BANK1: variants seen among roughly 807,000 people sequenced by gnomAD.
BANK1 encodes the protein B-cell scaffold protein with ankyrin repeats.
Under a neutral mutation model 94.5 loss-of-function variants are expected in BANK1, and 95 were observed. That is an observed-to-expected ratio of 1.00 (90% CI 0.85 to 1.19). The LOEUF is 1.19. Among genes scored for constraint, BANK1 ranks in the 50% most tolerant of loss-of-function variants. The pLI, the probability that BANK1 is intolerant of heterozygous loss-of-function variation, is 0.00. For synonymous variants in BANK1, 334 were observed against 308.4 expected (o/e 1.08, Z -0.87); for missense variants, 987 against 932.2 (o/e 1.06, Z -0.77).
intron 1 of BANK1, among the ~76,000 whole-genome samples, chr4:101,795,629 T>A (rs1725130147): frequency 6.6e-6 from 1 of 152,180 alleles, no homozygotes; most frequent in East Asian, 1.9e-4. Context: ...AGTTAGTAAA[T>A]TATTAGGTCA....
intron 10 of BANK1, among the ~76,000 whole-genome samples, chr4:102,040,011 T>C (rs1271960933): frequency 6.6e-6 from 1 of 152,070 alleles, no homozygotes; most frequent in South Asian, 2.1e-4. Flanking sequence ...ATTGCACAGA[T>C]TTTTATCACT....
At chr4:101,808,368 G>C (rs1278560981) in intron 1 of BANK1, among the ~76,000 whole-genome samples, 3 of 152,188 alleles carry the variant, frequency 2.0e-5, no homozygotes, top group Non-Finnish European at 4.4e-5. Flanking sequence ...CTTTCCAAGG[G>C]ATAGAACAGA....
chr4:101,928,420 A>AG (rs1723234176), intron 7 of BANK1, among the ~76,000 whole-genome samples: 1 of 151,686 alleles, frequency 6.6e-6, no homozygotes. Flanking sequence ...GGAAAAAAAA[A>AG]TCAGAGCATT....
chr4:101,880,740 A>G (rs1382373276), intron 5 of BANK1, among the ~76,000 whole-genome samples: 1 of 152,162 alleles, frequency 6.6e-6, no homozygotes, highest in Non-Finnish European at 1.5e-5. Flanking sequence ...GACCAAAGCA[A>G]CAGAATAGAG....
In BANK1 at chr4:101,870,613, G is replaced by A; in HGVS notation, c.872G>A (p.Arg291Lys). ...GCAAAGGCAAAGGAATGCCTATTCA[G>A]AATGGCAGATTCAGGAGAGAGTTTG... ...PTAKAKECLF[R>K]MADSGESLCQ... Residue 291 changes from arginine to lysine, a missense_variant, in exon 5 of 17, where the codon AGA (arginine) becomes AAA (lysine). By Grantham distance (26) the Arg-to-Lys change is conservative. Coordinates refer to ENST00000322953, the MANE Select transcript of BANK1 (RefSeq NM_017935.5). The A allele has an allele frequency of 1.2e-6, 2 of 1,612,164 alleles. No individual in the cohort carries two copies. The highest frequency in any genetic ancestry group is 1.7e-6 in the Non-Finnish European group (2 of 1,179,034).
intron 7 of BANK1, among the ~76,000 whole-genome samples, chr4:101,962,285 C>T (rs1434302861): frequency 6.6e-6 from 1 of 152,122 alleles, no homozygotes; most frequent in Admixed American, 6.6e-5. Flanking sequence ...CAAGTTTTCC[C>T]CCATTGACTC....
At position 101,929,784 on chromosome 4, in the gene BANK1, TG is replaced by T. The variant is rs78848554; in HGVS notation, c.1206+11603del. Among the ~76,000 whole-genome samples the T allele has an allele frequency of 4.7e-3, 708 of 151,040 alleles. 13 individuals carry two copies. In the East Asian group the frequency reaches 0.057, roughly 12 times the overall value. ...TGCTTATATTGTATTAATAGTTTGT[TG>T]GGGGGGGACTAAAAATGAATAAACA... On this transcript the variant is annotated intron_variant, in intron 7 of 16. Coordinates refer to ENST00000322953, the MANE Select transcript of BANK1 (RefSeq NM_017935.5).
At chr4:101,995,689 T>C (rs1227122240) in intron 7 of BANK1, among the ~76,000 whole-genome samples, 1 of 152,250 alleles carries the variant, frequency 6.6e-6, no homozygotes, top group Admixed American at 6.5e-5. Flanking sequence ...ATTTCTCTAA[T>C]GACCAGTGAT....
chr4:101,950,060 T>TGTGTGTGTGTGC (rs369393040), intron 7 of BANK1, among the ~76,000 whole-genome samples: 16 of 139,488 alleles, frequency 1.1e-4, no homozygotes, highest in African/African-American at 4.4e-4. Flanking sequence ...TGTGTGTGTG[T>TGTGTGTGTGTGC]GCGCGTGCGC....
chr4:101,887,743 T>C (rs541336253), intron 5 of BANK1, among the ~76,000 whole-genome samples: 4 of 152,256 alleles, frequency 2.6e-5, no homozygotes, highest in African/African-American at 7.2e-5. Context: ...TATAAAATCA[T>C]TTTCATTGTT....
intron 5 of BANK1, among the ~76,000 whole-genome samples, chr4:101,893,045 G>A (rs955025800): frequency 1.3e-5 from 2 of 151,998 alleles, no homozygotes; most frequent in African/African-American, 4.8e-5. Context: ...TAAAATAGAA[G>A]TGGTTAGATT....
chr4:101,993,939 GAT>G (rs1305294218), intron 7 of BANK1, among the ~76,000 whole-genome samples: 1 of 152,176 alleles, frequency 6.6e-6, no homozygotes, highest in African/African-American at 2.4e-5. Flanking sequence ...GGCTCTATTA[GAT>G]ATTGTTGTCT....
At position 101,865,104 on chromosome 4, in the gene BANK1, C is replaced by G. The variant is rs1312178940; in HGVS notation, c.763+2440C>G. 2.6e-5 allele frequency among the ~76,000 whole-genome samples: 4 copies of G among 152,036 alleles called. No individual in the cohort carries two copies. The East Asian group carries it at 7.7e-4, about 29-fold the overall frequency. On this transcript the variant is annotated intron_variant, in intron 4 of 16. Coordinates refer to ENST00000322953, the MANE Select transcript of BANK1 (RefSeq NM_017935.5). Reference sequence around the variant, plus strand: ...TCAGAAAGACCTTGCTTCTGAGGCCCTTTAGTCTTCATTAGTTCAAAGTAT... The same window carrying G: ...TCAGAAAGACCTTGCTTCTGAGGCCGTTTAGTCTTCATTAGTTCAAAGTAT...
intron 1 of BANK1, among the ~76,000 whole-genome samples, chr4:101,804,140 A>G (rs892853514): frequency 3.3e-5 from 5 of 150,174 alleles, no homozygotes; most frequent in African/African-American, 1.2e-4. Context: ...GAAAAAGCTA[A>G]CATTTATCAA....
At position 102,060,378 on chromosome 4, in the gene BANK1, A is replaced by ATGAT. The variant is rs746087318; in HGVS notation, c.2139_2142dup (p.Gln715AspfsTer25). ...GCAGATGGGAAAAAGTGGCCTGGAA[A>ATGAT]TGATTCAGCAGGTAATATTGGCCCA... On this transcript the variant is annotated frameshift_variant, in exon 12 of 17. Transcript: ENST00000322953. LOFTEE classifies it high-confidence loss of function. 1.2e-5 allele frequency: 20 copies of ATGAT among 1,608,140 alleles called. No individual in the cohort carries two copies. In the South Asian group the frequency reaches 2.1e-4, roughly 17 times the overall value.
intron 1 of BANK1, among the ~76,000 whole-genome samples, chr4:101,802,593 G>C (rs746012149): frequency 7.2e-5 from 11 of 152,284 alleles, no homozygotes; most frequent in Non-Finnish European, 1.5e-4. Flanking sequence ...TGTATTTTGT[G>C]TTTGTATGTA....
intron 1 of BANK1, among the ~76,000 whole-genome samples, chr4:101,803,997 C>CAAAAAAA (rs55704915): frequency 2.2e-4 from 15 of 68,388 alleles, no homozygotes; most frequent in African/African-American, 6.6e-4. Context: ...GACTCCGTCT[C>CAAAAAAA]AAAAAAAAAA....
chr4:101,810,363 A>G (rs545489335), intron 1 of BANK1, among the ~76,000 whole-genome samples: 2 of 152,364 alleles, frequency 1.3e-5, no homozygotes, highest in East Asian at 1.9e-4. Context: ...ACATACAGAT[A>G]TCTAAACACA....
At chr4:101,993,079 T>G (rs1182365025) in intron 7 of BANK1, among the ~76,000 whole-genome samples, 3 of 152,186 alleles carry the variant, frequency 2.0e-5, no homozygotes, top group Non-Finnish European at 2.9e-5. Context: ...TTGGCTCTCA[T>G]GGAGACCATA....
Sources: allele counts gnomAD v4.1 joint callset (sites outside exome capture counted in the v4.1 genomes callset), GRCh38; gene constraint gnomAD v4.1.1; transcripts MANE v1.5; gene names NCBI Gene and HGNC (gene_info 2026-07-23, HGNC 2026-07-21).